TSGA10: variants seen among roughly 807,000 people sequenced by gnomAD.
The protein encoded by TSGA10 is testis specific 10.
TSGA10 carries 43 observed loss-of-function variants against 96.6 expected under a neutral mutation model. That is an observed-to-expected ratio of 0.44 (90% CI 0.35 to 0.57). The LOEUF (loss-of-function observed/expected upper bound fraction) is 0.57, where lower values mean the gene tolerates loss of function less well. Ranked by LOEUF, TSGA10 falls within the 20% of genes least tolerant of loss-of-function variation. The pLI is 0.01. For missense variants in TSGA10, 703 were observed against 834.4 expected, an observed-to-expected ratio of 0.84 and a Z score of 1.94; for synonymous variants, 229 against 269.9, an observed-to-expected ratio of 0.85 and a Z score of 1.48.
intron 9 of TSGA10, 51 bp downstream of exon 9, chr2:99,105,308 G>A (rs760568745): frequency 6.9e-7 from 1 of 1,442,826 alleles, no homozygotes; most frequent in Non-Finnish European, 9.5e-7. Flanking sequence ...AAAGGGGAAA[G>A]CCATTGAGTG....
chr2:99,027,729 CAAT>C (rs1445476957), intron 17 of TSGA10, among the ~76,000 whole-genome samples: 1 of 152,064 alleles, frequency 6.6e-6, no homozygotes, highest in Non-Finnish European at 1.5e-5. Flanking sequence ...GGCCTAATAA[CAAT>C]GTCTCATCAA....
At chr2:99,007,313 T>C (rs1241236582) in intron 20 of TSGA10, among the ~76,000 whole-genome samples, 1 of 151,992 alleles carries the variant, frequency 6.6e-6, no homozygotes, top group East Asian at 1.9e-4. Flanking sequence ...AAAAAGAGTG[T>C]AAATTTCTCA....
chr2:99,102,220 G>A lies in TSGA10; in HGVS notation c.611+1747C>T, dbSNP rs568792417. The A allele has an allele frequency of 9.3e-6, 15 of 1,611,028 alleles. No homozygotes were observed. In the East Asian group the frequency reaches 2.9e-4, roughly 31 times the overall value. ...TTCAAACAGGTATCCAAGAACTTCA[G>A]TGAAGTATTCCAGAAGTTAGTACCT... On this transcript the variant is annotated intron_variant, in intron 10 of 20. Coordinates refer to ENST00000393483, the MANE Select transcript of TSGA10 (RefSeq NM_025244.4).
At chr2:99,127,807 A>G (rs1011744721) in intron 1 of TSGA10, among the ~76,000 whole-genome samples, 1 of 152,238 alleles carries the variant, frequency 6.6e-6, no homozygotes, top group Non-Finnish European at 1.5e-5. Flanking sequence ...AACTGATACA[A>G]TATTTATGGA....
chr2:99,075,770 G>T (rs966720321), intron 12 of TSGA10, among the ~76,000 whole-genome samples: 1 of 152,128 alleles, frequency 6.6e-6, no homozygotes, highest in Non-Finnish European at 1.5e-5. Context: ...ATATAACATT[G>T]TTACGGTTCG....
At chr2:99,072,929 T>C in intron 13 of TSGA10, 89 bp downstream of exon 13, 1 of 892,152 alleles carries the variant, frequency 1.1e-6, no homozygotes, top group Non-Finnish European at 1.8e-6. Context: ...CACGTATCAT[T>C]AAGCCCCTTG....
At chr2:99,042,659 A>C (rs2082312799) in intron 16 of TSGA10, among the ~76,000 whole-genome samples, 1 of 152,084 alleles carries the variant, frequency 6.6e-6, no homozygotes, top group Non-Finnish European at 1.5e-5. Context: ...GTATATGTGC[A>C]AAAGTGCATA....
intron 17 of TSGA10, among the ~76,000 whole-genome samples, chr2:99,026,625 G>A (rs553575069): frequency 3.0e-4 from 45 of 151,906 alleles, no homozygotes; most frequent in African/African-American, 9.4e-4. Flanking sequence ...GGGTTTCACC[G>A]TGTTAGCCAG....
At chr2:99,007,604 T>C (rs2078617326) in intron 20 of TSGA10, among the ~76,000 whole-genome samples, 1 of 152,096 alleles carries the variant, frequency 6.6e-6, no homozygotes, top group South Asian at 2.1e-4. Flanking sequence ...ACCACCTATA[T>C]AAAGCAAAAT....
At chr2:99,039,642 G>A (rs1304861506) in intron 16 of TSGA10, among the ~76,000 whole-genome samples, 2 of 151,892 alleles carry the variant, frequency 1.3e-5, no homozygotes, top group Admixed American at 6.6e-5. Flanking sequence ...AAAACTGCCT[G>A]CCAATGAAGA....
At chr2:99,041,884 C>G (rs2082214881) in intron 16 of TSGA10, among the ~76,000 whole-genome samples, 1 of 152,088 alleles carries the variant, frequency 6.6e-6, no homozygotes, top group African/African-American at 2.4e-5. Context: ...AGTAAACAGA[C>G]AGCCCCCAGA....
chr2:99,120,153 A>G (rs2092495204), intron 2 of TSGA10, among the ~76,000 whole-genome samples: 1 of 152,204 alleles, frequency 6.6e-6, no homozygotes, highest in Non-Finnish European at 1.5e-5. Context: ...TTCTGTATCA[A>G]CACATCACTT....
chr2:99,056,210 A>G (rs1326011486), intron 16 of TSGA10, among the ~76,000 whole-genome samples: 1 of 152,132 alleles, frequency 6.6e-6, no homozygotes, highest in East Asian at 1.9e-4. Context: ...GTCTCAAAAA[A>G]AAAAAGAAAA....
chr2:99,099,579 T>A (rs2090467786), intron 10 of TSGA10, among the ~76,000 whole-genome samples: 1 of 152,120 alleles, frequency 6.6e-6, no homozygotes, highest in Admixed American at 6.5e-5. Context: ...ATAAAAATTA[T>A]CAGATCAATT....
intron 10 of TSGA10, among the ~76,000 whole-genome samples, chr2:99,098,431 T>A (rs535770479): frequency 1.7e-5 from 2 of 116,642 alleles, no homozygotes; most frequent in South Asian, 2.5e-4. Context: ...AGAGAGAGAC[T>A]CTGCCTCAAA....
chr2:99,009,066 TG>T, intron 20 of TSGA10, among the ~76,000 whole-genome samples: 1 of 152,282 alleles, frequency 6.6e-6, no homozygotes, highest in Middle Eastern at 3.4e-3. Context: ...TATTATTTTT[TG>T]CAGAGTGTTG....
intron 1 of TSGA10, among the ~76,000 whole-genome samples, chr2:99,132,913 T>C (rs981841702): frequency 1.3e-5 from 2 of 152,188 alleles, no homozygotes; most frequent in Non-Finnish European, 2.9e-5. Flanking sequence ...TTTGAGTGAG[T>C]TTCTTAATCC....
At chr2:99,108,356 G>A (rs868397311) in intron 7 of TSGA10, among the ~76,000 whole-genome samples, 4 of 152,076 alleles carry the variant, frequency 2.6e-5, no homozygotes, top group Non-Finnish European at 5.9e-5. Context: ...TTTAATACTT[G>A]TTGGGTTAAA....
chr2:99,020,227 A>G, intron 18 of TSGA10, 53 bp downstream of exon 18: 1 of 1,496,692 alleles, frequency 6.7e-7, no homozygotes, highest in South Asian at 1.2e-5. Context: ...TTTCTACTAA[A>G]GTACCAAAAA....
Sources: gnomAD v4.1 joint callset for allele counts (sites outside exome capture counted in the v4.1 genomes callset) on GRCh38, gnomAD v4.1.1 for gene constraint, MANE v1.5 for transcripts, NCBI Gene and HGNC (gene_info 2026-07-23, HGNC 2026-07-21) for gene names.